SPIRE1: variants seen among roughly 807,000 people sequenced by gnomAD.
The protein encoded by SPIRE1 is protein spire homolog 1.
In SPIRE1, 40 loss-of-function variants were observed where a neutral mutation model predicts 94.1. The ratio of observed to expected loss-of-function variants is 0.43; its 90% CI spans 0.33 to 0.55. The LOEUF (loss-of-function observed/expected upper bound fraction) is 0.55. Among genes scored for constraint, SPIRE1 ranks in the 20% least tolerant of loss-of-function variants. SPIRE1 has a pLI of 0.06. For missense variants in SPIRE1, 838 were observed against 975.2 expected (o/e 0.86, Z 1.87); for synonymous variants, 376 against 371.7 (o/e 1.01, Z -0.13).
chr18:12,458,704 T>G (rs2031644842), intron 12 of SPIRE1, among the ~76,000 whole-genome samples: 1 of 152,146 alleles, frequency 6.6e-6, no homozygotes, highest in African/African-American at 2.4e-5. Flanking sequence ...TATCTCTGTT[T>G]GGGGAGAATT....
chr18:12,655,501 T>C (rs2038514728), intron 1 of SPIRE1, among the ~76,000 whole-genome samples: 2 of 152,176 alleles, frequency 1.3e-5, no homozygotes. Context: ...ACAACTTTGA[T>C]TAGGCCTCCT....
intron 10 of SPIRE1, 59 bp downstream of exon 10, chr18:12,479,640 A>G: frequency 6.8e-7 from 1 of 1,463,096 alleles, no homozygotes; most frequent in South Asian, 1.4e-5. Context: ...AGTAAACTGC[A>G]TCAGACAGCA....
intron 2 of SPIRE1, among the ~76,000 whole-genome samples, chr18:12,609,842 C>T (rs888695918): frequency 6.6e-6 from 1 of 151,966 alleles, no homozygotes; most frequent in African/African-American, 2.4e-5. Flanking sequence ...CCCTCCCCAC[C>T]TCTTGAGAGG....
chr18:12,635,988 A>T (rs1004840620), intron 1 of SPIRE1, among the ~76,000 whole-genome samples: 4 of 151,718 alleles, frequency 2.6e-5, no homozygotes, highest in Admixed American at 6.6e-5. Context: ...TCCCGGGTCC[A>T]AGTAATTCTC....
intron 12 of SPIRE1, among the ~76,000 whole-genome samples, chr18:12,461,540 T>C (rs1175178188): frequency 3.3e-5 from 5 of 149,510 alleles, no homozygotes; most frequent in Admixed American, 6.6e-5. Flanking sequence ...TGTACGTACA[T>C]ATGTATATAC....
At chr18:12,598,164 A>C (rs1175062979) in intron 2 of SPIRE1, among the ~76,000 whole-genome samples, 2 of 152,198 alleles carry the variant, frequency 1.3e-5, no homozygotes, top group Non-Finnish European at 2.9e-5. Flanking sequence ...CGTCTTCCTA[A>C]ACATACACAT....
chr18:12,625,674 AACT>A (rs1482361566), intron 2 of SPIRE1, among the ~76,000 whole-genome samples: 6 of 152,352 alleles, frequency 3.9e-5, no homozygotes, highest in African/African-American at 1.2e-4. Flanking sequence ...ATGTGTGCAT[AACT>A]ACTACTTTCT....
intron 4 of SPIRE1, among the ~76,000 whole-genome samples, chr18:12,523,507 T>C (rs573201766): frequency 1.3e-5 from 2 of 152,320 alleles, no homozygotes; most frequent in East Asian, 3.9e-4. Context: ...CAGCACTGTA[T>C]GCTACAATGT....
At chr18:12,519,145 T>C (rs1421434382) in intron 4 of SPIRE1, among the ~76,000 whole-genome samples, 1 of 152,228 alleles carries the variant, frequency 6.6e-6, no homozygotes, top group Non-Finnish European at 1.5e-5. Flanking sequence ...GAGCATTTTA[T>C]TGAATAAAAA....
chr18:12,459,600 C>G (rs553070558), intron 12 of SPIRE1, among the ~76,000 whole-genome samples: 1 of 152,222 alleles, frequency 6.6e-6, no homozygotes, highest in African/African-American at 2.4e-5. Flanking sequence ...ACTGAGACCA[C>G]GGCATGATCG....
At chr18:12,635,894 T>G (rs915480900) in intron 1 of SPIRE1, among the ~76,000 whole-genome samples, 9 of 151,652 alleles carry the variant, frequency 5.9e-5, no homozygotes, top group African/African-American at 1.7e-4. Context: ...TGGTTTTTTT[T>G]GTTTTTTTTT....
At chr18:12,522,535 A>G (rs1414896916) in intron 4 of SPIRE1, among the ~76,000 whole-genome samples, 3 of 152,254 alleles carry the variant, frequency 2.0e-5, no homozygotes, top group Non-Finnish European at 4.4e-5. Context: ...ATTAAACAAC[A>G]TATTTTCAAT....
rs1015702301 is a variant in SPIRE1, at chr18:12,559,364, G to A, written c.373-12460C>T. Among the ~76,000 whole-genome samples the A allele has an allele frequency of 8.5e-5, 13 of 152,144 alleles. No individual in the cohort carries two copies. Among genetic ancestry groups the A allele is most frequent in the South Asian group, 4.1e-4 (2 of 4,832 alleles). On this transcript the variant is annotated intron_variant, in intron 2 of 16. Coordinates refer to ENST00000409402, the MANE Select transcript of SPIRE1 (RefSeq NM_001128626.2). This position sits in a 1 kb window ranked among gnomAD's most constrained non-coding sequence, Gnocchi z 4.7. ...GCCTCTCATTGCCCGGGCCGGCGTCGCCAGCCGGCAGCTCTGAGTGCTGGC... is the reference window on the plus strand; with the variant it reads ...GCCTCTCATTGCCCGGGCCGGCGTCACCAGCCGGCAGCTCTGAGTGCTGGC...
At chr18:12,564,783 G>C (rs904870104) in intron 2 of SPIRE1, among the ~76,000 whole-genome samples, 2 of 152,086 alleles carry the variant, frequency 1.3e-5, no homozygotes, top group South Asian at 4.1e-4. Flanking sequence ...AAAACTCCAG[G>C]GGACCTGGTC....
chr18:12,526,195 C>T (rs1331717005), intron 4 of SPIRE1, among the ~76,000 whole-genome samples: 2 of 151,880 alleles, frequency 1.3e-5, no homozygotes, highest in Admixed American at 6.6e-5. Context: ...GTATAGTATC[C>T]CTGCATAGTA....
chr18:12,515,803 G>A (rs2034177043), intron 4 of SPIRE1, among the ~76,000 whole-genome samples: 1 of 152,076 alleles, frequency 6.6e-6, no homozygotes, highest in Non-Finnish European at 1.5e-5. Flanking sequence ...CTTCAATTTG[G>A]GACATCTCTG....
chr18:12,599,219 C>T (rs556226534), intron 2 of SPIRE1, among the ~76,000 whole-genome samples: 30 of 152,310 alleles, frequency 2.0e-4, no homozygotes, highest in African/African-American at 6.3e-4. Context: ...TCCTTCCTAA[C>T]CCAGGCTCAT....
intron 2 of SPIRE1, among the ~76,000 whole-genome samples, chr18:12,565,902 T>C (rs745314999): frequency 2.1e-4 from 32 of 151,126 alleles, no homozygotes; most frequent in Non-Finnish European, 4.0e-4. Flanking sequence ...GGCATGGTGG[T>C]GCACGCCTGT....
intron 2 of SPIRE1, among the ~76,000 whole-genome samples, chr18:12,591,606 G>A (rs527609964): frequency 1.4e-4 from 22 of 152,268 alleles, no homozygotes; most frequent in African/African-American, 5.3e-4. Context: ...ACAACCAAAC[G>A]CATTTGCTAA....
Sources: gnomAD v4.1 joint callset for allele counts (sites outside exome capture counted in the v4.1 genomes callset) on GRCh38, gnomAD v4.1.1 for gene constraint, Gnocchi (gnomAD v3.1) non-coding constraint, MANE v1.5 for transcripts, NCBI Gene and HGNC (gene_info 2026-07-23, HGNC 2026-07-21) for gene names.